The following KCNQ1 variants were observed in gnomAD, a reference collection of about 807,000 sequenced individuals.
The protein encoded by KCNQ1 is potassium voltage-gated channel subfamily Q member 1.
Under a neutral mutation model 72.4 loss-of-function variants are expected in KCNQ1, and 49 were observed. That is an observed-to-expected ratio of 0.68 (90% CI 0.54 to 0.86). The LOEUF (loss-of-function observed/expected upper bound fraction) is 0.86, where lower values mean the gene tolerates loss of function less well. KCNQ1 is among the 40% of genes least tolerant of loss of function. The probability of loss-of-function intolerance (pLI) is 0.00; values close to 1 mark genes in which losing one functional copy is unlikely to be tolerated. For synonymous variants in KCNQ1, 450 were observed against 412.6 expected, an observed-to-expected ratio of 1.09 and a Z score of -1.10; for missense variants, 790 against 945.1, an observed-to-expected ratio of 0.84 and a Z score of 2.15.
intron 2 of KCNQ1, among the ~76,000 whole-genome samples, chr11:2,534,802 G>A (rs576931170): frequency 3.9e-5 from 6 of 152,350 alleles, no homozygotes; most frequent in Admixed American, 1.3e-4. Flanking sequence ...GGTTGTTTCC[G>A]CCTGCATTTG....
rs572659171 is a variant in KCNQ1, at chr11:2,695,862, T to C, written c.1514+33781T>C. On this transcript the variant is annotated intron_variant, in intron 11 of 15. Transcript: ENST00000155840. The surrounding 1 kb of genome is among the most constrained non-coding windows in gnomAD (Gnocchi z 5.2). ...ATTAGCTTGGGCAAATTTTCATCTG[T>C]TTGTTAACCCTCCTGCAAACTGGCA... 1 of 398,666 alleles carries C rather than the reference T, an allele frequency of 2.5e-6. No individual in the cohort carries two copies. Among genetic ancestry groups the C allele is most frequent in the African/African-American group, 2.1e-5 (1 of 48,764 alleles). 24.7% of individuals were successfully genotyped at this position (398,666 alleles called of 1,614,324 possible).
At chr11:2,718,623 T>C (rs1024813826) in intron 11 of KCNQ1, among the ~76,000 whole-genome samples, 20 of 152,218 alleles carry the variant, frequency 1.3e-4, no homozygotes, top group Non-Finnish European at 2.2e-4. Context: ...GTCGTCTACG[T>C]GCTTTGTGTA....
chr11:2,601,927 G>A lies in KCNQ1; in HGVS notation c.1393+13073G>A, dbSNP rs1046616987. On this transcript the variant is annotated intron_variant, in intron 10 of 15. Transcript: ENST00000155840. The surrounding 1 kb of genome is among the most constrained non-coding windows in gnomAD (Gnocchi z 5.2). ...CTAACGCCTAGAACCTGTGACTATC[G>A]CCTTCTATGGCAAAGGGCACTCTGC... Among the ~76,000 whole-genome samples, 1 of 152,054 alleles carries A rather than the reference G, an allele frequency of 6.6e-6. No homozygotes were observed. The highest frequency in any genetic ancestry group is 1.5e-5 in the Non-Finnish European group (1 of 68,026).
chr11:2,663,653 G>A lies in KCNQ1; in HGVS notation c.1514+1572G>A, dbSNP rs1850010260. Reference sequence around the variant, plus strand: ...CATGCAAAAAGTCCTACTGGGAGGAGAGGGCCATCACCCACAGTCCATCTA... The same window carrying A: ...CATGCAAAAAGTCCTACTGGGAGGAAAGGGCCATCACCCACAGTCCATCTA... On this transcript the variant is annotated intron_variant, in intron 11 of 15. Transcript: ENST00000155840. The surrounding 1 kb of genome is among the most constrained non-coding windows in gnomAD (Gnocchi z 5.2). The A allele has an allele frequency of 2.5e-6, 1 of 398,574 alleles. No individual in the cohort carries two copies. The highest frequency in any genetic ancestry group is 2.1e-5 in the African/African-American group (1 of 48,634). 24.7% of individuals were successfully genotyped at this position (398,574 alleles called of 1,614,324 possible). A position where few individuals can be genotyped will look rare whatever the true frequency, so the allele number is the denominator to read the frequency against.
intron 1 of KCNQ1, among the ~76,000 whole-genome samples, chr11:2,467,443 T>C (rs1036713200): frequency 1.3e-5 from 2 of 152,070 alleles, no homozygotes; most frequent in Non-Finnish European, 2.9e-5. Context: ...TATAGGCTTC[T>C]GCAGAGGATA....
Position 2,458,876 on chromosome 11 carries a change from A to G in KCNQ1, c.386+13392A>G, listed in dbSNP as rs1408537864. Reference sequence around the variant, plus strand: ...AAGAAATAACGGAGAGAAGGAGGAAAGAATCACCTATCCACCAATTGTGAC... The same window carrying G: ...AAGAAATAACGGAGAGAAGGAGGAAGGAATCACCTATCCACCAATTGTGAC... On this transcript the variant is annotated intron_variant, in intron 1 of 15. Coordinates refer to ENST00000155840, the MANE Select transcript of KCNQ1 (RefSeq NM_000218.3). This position sits in a 1 kb window ranked among gnomAD's most constrained non-coding sequence, Gnocchi z 4.6. Among the ~76,000 whole-genome samples, 1 of 152,264 alleles carries G rather than the reference A, an allele frequency of 6.6e-6. No individual in the cohort carries two copies. Among genetic ancestry groups the G allele is most frequent in the African/African-American group, 2.4e-5 (1 of 41,468 alleles).
rs1051607999 is a variant in KCNQ1, at chr11:2,698,193, A to C, written c.1514+36112A>C. 1.8e-5 allele frequency: 7 copies of C among 398,540 alleles called. No homozygotes were observed. The highest frequency in any genetic ancestry group is 3.1e-5 in the Non-Finnish European group (7 of 226,082). 24.7% of individuals were successfully genotyped at this position (398,540 alleles called of 1,614,324 possible). A position where few individuals can be genotyped will look rare whatever the true frequency, so the allele number is the denominator to read the frequency against. On this transcript the variant is annotated intron_variant, in intron 11 of 15. Transcript: ENST00000155840. The surrounding 1 kb of genome is among the most constrained non-coding windows in gnomAD (Gnocchi z 5.1). ...TTTGGTCTAGCAAAAGGGGCACCAC[A>C]GTAAAGAAAGAACTGGTAAATGCAC...
intron 10 of KCNQ1, chr11:2,643,816 G>C (rs1347863598): frequency 2.5e-6 from 1 of 398,406 alleles, no homozygotes; most frequent in East Asian, 3.6e-5. Context: ...ACTTTTAAGG[G>C]AAATACTTTA....
Position 2,808,463 on chromosome 11 carries a change from G to C in KCNQ1, c.1794+30426G>C, listed in dbSNP as rs543930961. ...TCCGAGGGAGGGGCATTTGAAAATA[G>C]CATTCAGAGTTGCTATTAATAGGCT... is the stretch of plus-strand genomic sequence containing the variant. On this transcript the variant is annotated intron_variant, in intron 15 of 15. Coordinates refer to ENST00000155840, the MANE Select transcript of KCNQ1 (RefSeq NM_000218.3). The surrounding 1 kb of genome is among the most constrained non-coding windows in gnomAD (Gnocchi z 6.0). Among the ~76,000 whole-genome samples the C allele has an allele frequency of 7.2e-5, 11 of 152,324 alleles. No individual in the cohort carries two copies. Among genetic ancestry groups the C allele is most frequent in the African/African-American group, 2.6e-4 (11 of 41,554 alleles).
In KCNQ1 at chr11:2,608,752, G is replaced by C. The variant is rs1848924973; in HGVS notation, c.1393+19898G>C. 5.0e-6 allele frequency: 2 copies of C among 398,552 alleles called. No individual in the cohort carries two copies. Among genetic ancestry groups the C allele is most frequent in the South Asian group, 2.5e-4 (2 of 7,860 alleles). 24.7% of individuals were successfully genotyped at this position (398,552 alleles called of 1,614,324 possible). Reference sequence around the variant, plus strand: ...AATTCTCCTGCCTTGGCCTCCCAAAGTGCTGGGATTACAGGTGTGAGCCAC... The same window carrying C: ...AATTCTCCTGCCTTGGCCTCCCAAACTGCTGGGATTACAGGTGTGAGCCAC... On this transcript the variant is annotated intron_variant, in intron 10 of 15. Coordinates refer to ENST00000155840, the MANE Select transcript of KCNQ1 (RefSeq NM_000218.3). The surrounding 1 kb of genome is among the most constrained non-coding windows in gnomAD (Gnocchi z 4.6).
In KCNQ1 at chr11:2,712,673, C is replaced by T. The variant is rs980770104; in HGVS notation, c.1514+50592C>T. 6.6e-5 allele frequency among the ~76,000 whole-genome samples: 10 copies of T among 152,218 alleles called. No individual in the cohort carries two copies. The highest frequency in any genetic ancestry group is 2.9e-5 in the Non-Finnish European group (2 of 68,032). ...GCTGGCTAAGGCCCCCATCCCTGCTCAGGCCTACAGGAGAGCCCTGTGGAC... is the reference window on the plus strand; with the variant it reads ...GCTGGCTAAGGCCCCCATCCCTGCTTAGGCCTACAGGAGAGCCCTGTGGAC... On this transcript the variant is annotated intron_variant, in intron 11 of 15. Coordinates refer to ENST00000155840, the MANE Select transcript of KCNQ1 (RefSeq NM_000218.3). The surrounding 1 kb of genome is among the most constrained non-coding windows in gnomAD (Gnocchi z 6.4).
In KCNQ1 at chr11:2,659,972, C is replaced by T. The variant is rs1849922261; in HGVS notation, c.1394-1989C>T. ...ACCTGATAGGTGATATGCAAATATT[C>T]TTTCCAAGTCTGTGCTTTGTCTTTT... On this transcript the variant is annotated intron_variant, in intron 10 of 15. Transcript: ENST00000155840. This position sits in a 1 kb window ranked among gnomAD's most constrained non-coding sequence, Gnocchi z 4.3. The T allele has an allele frequency of 2.5e-6, 1 of 398,300 alleles. No individual in the cohort carries two copies. The highest frequency in any genetic ancestry group is 4.4e-6 in the Non-Finnish European group (1 of 225,986). The allele number at this position is 398,300 out of a possible 1,614,324, so 24.7% of individuals were successfully genotyped here. A position where few individuals can be genotyped will look rare whatever the true frequency, so the allele number is the denominator to read the frequency against.
intron 11 of KCNQ1, among the ~76,000 whole-genome samples, chr11:2,736,736 C>T (rs943667472): frequency 2.6e-5 from 4 of 152,238 alleles, no homozygotes; most frequent in African/African-American, 4.8e-5. Flanking sequence ...ATTTCACCTG[C>T]GCATCTGCAG....
Position 2,497,518 on chromosome 11 carries a change from G to A in KCNQ1, c.387-30410G>A, listed in dbSNP as rs756780702. Among the ~76,000 whole-genome samples the A allele has an allele frequency of 6.6e-6, 1 of 152,126 alleles. No individual in the cohort carries two copies. The highest frequency in any genetic ancestry group is 1.5e-5 in the Non-Finnish European group (1 of 68,034). On this transcript the variant is annotated intron_variant, in intron 1 of 15. Coordinates refer to ENST00000155840, the MANE Select transcript of KCNQ1 (RefSeq NM_000218.3). The surrounding 1 kb of genome is among the most constrained non-coding windows in gnomAD (Gnocchi z 4.5). Reference sequence around the variant, plus strand: ...CATGCTGTGTTTTTCAGCTCCATGAGGTCATTTATGTTCCTCTCTAAACTG... The same window carrying A: ...CATGCTGTGTTTTTCAGCTCCATGAAGTCATTTATGTTCCTCTCTAAACTG...
Position 2,795,931 on chromosome 11 carries a change from G to C in KCNQ1, c.1794+17894G>C, listed in dbSNP as rs138154756. Among the ~76,000 whole-genome samples, 118 of 152,258 alleles carry C rather than the reference G, an allele frequency of 7.7e-4. 2 individuals are homozygous for C. The East Asian group carries it at 0.017, about 22-fold the overall frequency. On this transcript the variant is annotated intron_variant, in intron 15 of 15. Transcript: ENST00000155840. The stretch of plus-strand genomic sequence containing the variant: ...CCCTTGCACAGGGCTTGGAGATGGA[G>C]GCCCCTCCCCAGGTGAGACCGGCCT...
rs532564791 is a variant in KCNQ1, at chr11:2,662,598, C to T, written c.1514+517C>T. 45 of 416,922 alleles carry T rather than the reference C, an allele frequency of 1.1e-4. No individual in the cohort carries two copies. Among genetic ancestry groups the T allele is most frequent in the Middle Eastern group, 6.2e-4 (1 of 1,626 alleles). 25.8% of individuals were successfully genotyped at this position (416,922 alleles called of 1,614,324 possible). On this transcript the variant is annotated intron_variant, in intron 11 of 15. Transcript: ENST00000155840. ...CCTGGGATGCATGCCCGTCCTCCCC[C>T]GCCGTCACGGCATGGCCAGGCCAAT... is the stretch of plus-strand genomic sequence containing the variant.
At position 2,623,194 on chromosome 11, in the gene KCNQ1, G is replaced by T; in HGVS notation, c.1393+34340G>T. On this transcript the variant is annotated intron_variant, in intron 10 of 15. Coordinates refer to ENST00000155840, the MANE Select transcript of KCNQ1 (RefSeq NM_000218.3). The surrounding 1 kb of genome is among the most constrained non-coding windows in gnomAD (Gnocchi z 5.2). ...CTGCTTCTCCTTTGCCTTCCGCCAT[G>T]ATTTTAAGTTTCTGAGGCCTGCCAG... The T allele has an allele frequency of 2.5e-6, 1 of 398,654 alleles. No homozygotes were observed. The highest frequency in any genetic ancestry group is 1.3e-4 in the South Asian group (1 of 7,832). The allele number at this position is 398,654 out of a possible 1,614,324, so 24.7% of individuals were successfully genotyped here.
rs2133810322 is a variant in KCNQ1 at position 2,626,279 on chromosome 11, G to C, written c.1394-35682G>C. On this transcript the variant is annotated intron_variant, in intron 10 of 15. Coordinates refer to ENST00000155840, the MANE Select transcript of KCNQ1 (RefSeq NM_000218.3). The surrounding 1 kb of genome is among the most constrained non-coding windows in gnomAD (Gnocchi z 4.0). The stretch of plus-strand genomic sequence containing the variant: ...TTCTCTTTTATACATGGTTAGGTAA[G>C]GATCTCAACTTCATTCTCTTGAGTT... 2.5e-6 allele frequency: 1 copy of C among 398,410 alleles called. No individual in the cohort carries two copies. The highest frequency in any genetic ancestry group is 6.3e-4 in the Middle Eastern group (1 of 1,584). 24.7% of individuals were successfully genotyped at this position (398,410 alleles called of 1,614,324 possible).
intron 11 of KCNQ1, among the ~76,000 whole-genome samples, chr11:2,763,738 T>C (rs976559370): frequency 1.3e-5 from 2 of 152,056 alleles, no homozygotes; most frequent in African/African-American, 2.4e-5. Context: ...TTAAATTTAT[T>C]TTTTCTACAG....
Sources: allele counts gnomAD v4.1 joint callset (sites outside exome capture counted in the v4.1 genomes callset), GRCh38; gene constraint gnomAD v4.1.1; non-coding constraint Gnocchi (gnomAD v3.1); transcripts MANE v1.5; gene names NCBI Gene and HGNC (gene_info 2026-07-23, HGNC 2026-07-21).